EVC2: variants seen among roughly 807,000 people sequenced by gnomAD.
The protein encoded by EVC2 is EvC ciliary complex subunit 2, also known as limbin.
Under a neutral mutation model 149.3 loss-of-function variants are expected in EVC2, and 148 were observed. The ratio of observed to expected loss-of-function variants is 0.99; its 90% CI spans 0.87 to 1.14. The LOEUF (loss-of-function observed/expected upper bound fraction) is 1.14. Among genes scored for constraint, EVC2 ranks in the 50% most tolerant of loss-of-function variants. The probability of loss-of-function intolerance (pLI) is 0.00; values close to 1 mark genes in which losing one functional copy is unlikely to be tolerated. For missense variants in EVC2, 1,854 were observed against 1,627.3 expected (o/e 1.14, Z -2.40); for synonymous variants, 776 against 649.9 (o/e 1.19, Z -2.95).
At position 5,625,894 on chromosome 4, in the gene EVC2, T is replaced by A. The variant is rs780637246; in HGVS notation, c.1901A>T (p.Asp634Val). 1.2e-6 allele frequency: 2 copies of A among 1,613,938 alleles called. No individual in the cohort carries two copies. The part of the protein sequence containing the change: ...IQKHERAGYL[D>V]EDQMEMLLER... Reference sequence around the variant, plus strand: ...CAATAGCATTTCCATTTGGTCTTCATCCAGGTACCCTGCTCTAGATGGAAA... The same window carrying A: ...CAATAGCATTTCCATTTGGTCTTCAACCAGGTACCCTGCTCTAGATGGAAA... Residue 634 changes from aspartate (D) to valine (V), a missense_variant, in exon 13 of 22, where the codon GAT becomes GTT. Transcript: ENST00000344408. The surrounding 1 kb of genome is among the most constrained non-coding windows in gnomAD (Gnocchi z 4.0).
intron 11 of EVC2, among the ~76,000 whole-genome samples, chr4:5,630,412 A>T (rs1472311108): frequency 6.6e-6 from 1 of 152,150 alleles, no homozygotes; most frequent in African/African-American, 2.4e-5. Context: ...ATCTTTCGCC[A>T]CTGTCTTAGC....
intron 1 of EVC2, among the ~76,000 whole-genome samples, chr4:5,699,556 T>C (rs1194993179): frequency 2.0e-5 from 3 of 147,142 alleles, no homozygotes; most frequent in Non-Finnish European, 3.0e-5. Context: ...CATCAATGGA[T>C]GAATGGATAA....
chr4:5,589,093 A>G (rs1712556928), intron 16 of EVC2, among the ~76,000 whole-genome samples: 1 of 152,194 alleles, frequency 6.6e-6, no homozygotes, highest in South Asian at 2.1e-4. Context: ...TGTAAATTCT[A>G]CCTTGTTGGG....
intron 17 of EVC2, among the ~76,000 whole-genome samples, chr4:5,581,824 C>T (rs886203319): frequency 6.6e-6 from 1 of 152,212 alleles, no homozygotes; most frequent in African/African-American, 2.4e-5. Flanking sequence ...CAGTGCCCCA[C>T]TGCCCTGTGC....
At chr4:5,565,219 A>T (rs753189067) in intron 21 of EVC2, 39 bp downstream of exon 21, 1 of 1,600,152 alleles carries the variant, frequency 6.2e-7, no homozygotes, top group South Asian at 1.1e-5. Flanking sequence ...AGCTTAGCTC[A>T]CCCCCTCCCC....
intron 21 of EVC2, among the ~76,000 whole-genome samples, chr4:5,555,092 T>G (rs1029554483): frequency 6.6e-6 from 1 of 151,854 alleles, no homozygotes; most frequent in Non-Finnish European, 1.5e-5. Flanking sequence ...ATCTCCATAG[T>G]AGAAGGTCAA....
At chr4:5,594,561 A>T (rs1364349082) in intron 16 of EVC2, among the ~76,000 whole-genome samples, 2 of 152,156 alleles carry the variant, frequency 1.3e-5, no homozygotes, top group African/African-American at 2.4e-5. Context: ...CCCACACCAA[A>T]AACCCATCTG....
intron 12 of EVC2, among the ~76,000 whole-genome samples, chr4:5,627,209 T>C (rs1257141668): frequency 1.3e-5 from 2 of 152,270 alleles, no homozygotes; most frequent in South Asian, 4.2e-4. Flanking sequence ...GGGAGGTTCC[T>C]TGAAGGAAGG....
chr4:5,652,875 G>C (rs536380791), intron 9 of EVC2, among the ~76,000 whole-genome samples: 7 of 152,226 alleles, frequency 4.6e-5, no homozygotes, highest in African/African-American at 1.7e-4. Context: ...TGTTTCCTAG[G>C]GTACTTTCCT....
downstream of EVC2, among the ~76,000 whole-genome samples, chr4:5,538,629 C>T (rs1190389371): frequency 1.3e-5 from 2 of 151,978 alleles, no homozygotes; most frequent in East Asian, 3.8e-4. Context: ...ATATCATGAC[C>T]AAGTTGAGTT....
chr4:5,624,437 C>A (rs1174345230), intron 13 of EVC2, among the ~76,000 whole-genome samples: 1 of 152,228 alleles, frequency 6.6e-6, no homozygotes, highest in Non-Finnish European at 1.5e-5. Context: ...TCAATTCATT[C>A]ATTCTACAAA....
chr4:5,600,350 A>C (rs774720221), intron 16 of EVC2, among the ~76,000 whole-genome samples: 45 of 152,202 alleles, frequency 3.0e-4, no homozygotes, highest in Admixed American at 2.2e-3. Context: ...GATTTCTTTC[A>C]AGTTGCACAA....
intron 17 of EVC2, among the ~76,000 whole-genome samples, chr4:5,578,627 T>C (rs552103087): frequency 3.3e-5 from 5 of 151,878 alleles, no homozygotes; most frequent in Admixed American, 1.3e-4. Context: ...CATACATAGA[T>C]GTTGATGATG....
chr4:5,626,858 G>A (rs533836790), intron 12 of EVC2, among the ~76,000 whole-genome samples: 2 of 152,100 alleles, frequency 1.3e-5, no homozygotes, highest in Admixed American at 1.3e-4. Flanking sequence ...TCCTGCCCTT[G>A]GACTGGGACT....
At chr4:5,584,054 C>T (rs972559185) in intron 17 of EVC2, among the ~76,000 whole-genome samples, 7 of 152,056 alleles carry the variant, frequency 4.6e-5, no homozygotes, top group Non-Finnish European at 1.0e-4. Context: ...CTTCCCTCCC[C>T]ATACTAGGGT....
In EVC2 at chr4:5,624,471, G is replaced by A. The variant is rs113977794; in HGVS notation, c.2046+1278C>T. On this transcript the variant is annotated intron_variant, in intron 13 of 21. Coordinates refer to ENST00000344408, the MANE Select transcript of EVC2 (RefSeq NM_147127.5). ...AATATGTATTGAGCACCTACCAGGT[G>A]TCAGGCAGTGTTCTCAACAGTGGGG... Among the ~76,000 whole-genome samples, 955 of 152,336 alleles carry A rather than the reference G, an allele frequency of 6.3e-3. 10 individuals carry two copies. The highest frequency in any genetic ancestry group is 0.022 in the African/African-American group (902 of 41,572).
At chr4:5,709,453 C>G (rs1722452946), upstream of EVC2, 2 of 152,234 alleles carry the variant, frequency 1.3e-5, no homozygotes, top group African/African-American at 4.8e-5. Context: ...TGGCCCCTGG[C>G]AGCCTCTCTC....
At chr4:5,688,993 T>C (rs1720917900) in intron 5 of EVC2, among the ~76,000 whole-genome samples, 164 bp downstream of exon 5, 1 of 152,190 alleles carries the variant, frequency 6.6e-6, no homozygotes. Flanking sequence ...ATGTGGTCTC[T>C]TTTCTCTTTT....
chr4:5,539,885 T>C (rs747962275), downstream of EVC2, among the ~76,000 whole-genome samples: 2 of 152,206 alleles, frequency 1.3e-5, no homozygotes, highest in Non-Finnish European at 2.9e-5. Flanking sequence ...AATTGGACTT[T>C]ATCAAAATTA....
Sources: gnomAD v4.1 joint callset for allele counts (sites outside exome capture counted in the v4.1 genomes callset) on GRCh38, gnomAD v4.1.1 for gene constraint, Gnocchi (gnomAD v3.1) non-coding constraint, MANE v1.5 for transcripts, NCBI Gene and HGNC (gene_info 2026-07-23, HGNC 2026-07-21) for gene names.